Variants in MYRIP observed in about 807,000 individuals in gnomAD.
MYRIP encodes rab effector MyRIP.
MYRIP carries 49 observed loss-of-function variants against 98.0 expected under a neutral mutation model. The ratio of observed to expected loss-of-function variants is 0.50; its 90% CI spans 0.40 to 0.63. MYRIP has a LOEUF of 0.63. Among genes scored for constraint, MYRIP ranks in the 30% least tolerant of loss-of-function variants. The probability of loss-of-function intolerance (pLI) is 0.00; values close to 1 mark genes in which losing one functional copy is unlikely to be tolerated. For missense variants in MYRIP, 1,004 were observed against 1,058.2 expected, an observed-to-expected ratio of 0.95 and a Z score of 0.71; for synonymous variants, 404 against 409.5, an observed-to-expected ratio of 0.99 and a Z score of 0.16.
intron 3 of MYRIP, among the ~76,000 whole-genome samples, chr3:40,045,614 A>G (rs1458334111): frequency 2.6e-5 from 4 of 152,234 alleles, no homozygotes; most frequent in Non-Finnish European, 5.9e-5. Flanking sequence ...TGACTTGAAT[A>G]TTGTGGCACT....
At chr3:40,057,137 C>T (rs540562692) in intron 3 of MYRIP, among the ~76,000 whole-genome samples, 6 of 152,238 alleles carry the variant, frequency 3.9e-5, no homozygotes, top group African/African-American at 7.2e-5. Flanking sequence ...CCACCTTCCA[C>T]ACCTTCTCTT....
intron 2 of MYRIP, among the ~76,000 whole-genome samples, chr3:39,972,985 G>A (rs1009627364): frequency 1.3e-5 from 2 of 151,892 alleles, no homozygotes; most frequent in Non-Finnish European, 2.9e-5. Context: ...AGACTAATTT[G>A]CTAAATAAAT....
At chr3:39,895,067 T>A (rs1427120408) in intron 1 of MYRIP, among the ~76,000 whole-genome samples, 1 of 152,240 alleles carries the variant, frequency 6.6e-6, no homozygotes, top group Admixed American at 6.5e-5. Flanking sequence ...TTGCTTTTTC[T>A]CTTTAACTTT....
chr3:40,182,383 T>C lies in MYRIP; in HGVS notation c.1027+10T>C, dbSNP rs199628150. 6.2e-7 allele frequency: 1 copy of C among 1,610,170 alleles called. No individual in the cohort carries two copies. The highest frequency in any genetic ancestry group is 2.2e-5 in the East Asian group (1 of 44,668). ...AGGCTGGATGAAACAAGTAACTGTT[T>C]TAAGCAGTATCTAGTTGGTCTGTGG... On this transcript the variant is annotated intron_variant, in intron 9 of 16. Coordinates refer to ENST00000302541, the MANE Select transcript of MYRIP (RefSeq NM_015460.4).
intron 10 of MYRIP, among the ~76,000 whole-genome samples, chr3:40,195,858 A>G (rs1166649691): frequency 6.6e-6 from 1 of 152,048 alleles, no homozygotes; most frequent in African/African-American, 2.4e-5. Context: ...AAAGTTTGGG[A>G]GAATTCACCT....
chr3:40,074,269 T>C (rs1311127598), intron 3 of MYRIP, among the ~76,000 whole-genome samples: 1 of 151,996 alleles, frequency 6.6e-6, no homozygotes, highest in African/African-American at 2.4e-5. Context: ...AGAGACAGGG[T>C]TTCACCGTGT....
At chr3:40,129,272 CA>C (rs1225353584) in intron 3 of MYRIP, among the ~76,000 whole-genome samples, 2 of 150,818 alleles carry the variant, frequency 1.3e-5, no homozygotes, top group Non-Finnish European at 3.0e-5. Context: ...CCCCCGTCTC[CA>C]CTAAAAATAC....
intron 2 of MYRIP, among the ~76,000 whole-genome samples, chr3:39,953,087 T>C (rs1429409437): frequency 1.3e-5 from 2 of 152,154 alleles, no homozygotes; most frequent in Non-Finnish European, 2.9e-5. Flanking sequence ...CATGAGGTTT[T>C]ACTGTTCTCT....
intron 3 of MYRIP, among the ~76,000 whole-genome samples, chr3:40,137,465 A>C (rs1024860088): frequency 6.6e-6 from 1 of 152,204 alleles, no homozygotes; most frequent in Non-Finnish European, 1.5e-5. Flanking sequence ...ACAAGGAGGA[A>C]CTGGTACCAT....
chr3:39,895,041 G>A (rs72868162), intron 1 of MYRIP, among the ~76,000 whole-genome samples: 2,697 of 152,094 alleles, frequency 0.018, 80 homozygotes, highest in African/African-American at 0.061. Context: ...AAACTGTGTT[G>A]GACATAGATG....
At chr3:39,953,814 C>T (rs1945088009) in intron 2 of MYRIP, among the ~76,000 whole-genome samples, 1 of 152,176 alleles carries the variant, frequency 6.6e-6, no homozygotes, top group Admixed American at 6.5e-5. Flanking sequence ...AATCAGGACA[C>T]TCCCGCCCTA....
chr3:39,954,391 A>G (rs1487419752), intron 2 of MYRIP, among the ~76,000 whole-genome samples: 2 of 152,118 alleles, frequency 1.3e-5, no homozygotes, highest in Non-Finnish European at 2.9e-5. Context: ...CTGGGGTGAT[A>G]CCCAGGCAAA....
At chr3:39,878,290 G>C (rs944451118) in intron 1 of MYRIP, among the ~76,000 whole-genome samples, 1 of 152,208 alleles carries the variant, frequency 6.6e-6, no homozygotes, top group African/African-American at 2.4e-5. Flanking sequence ...CTGACCCTTT[G>C]TGCTTCCCGA....
At chr3:40,166,733 A>C in intron 5 of MYRIP, 113 bp from the exon 6 acceptor site, 1 of 711,586 alleles carries the variant, frequency 1.4e-6, no homozygotes, top group East Asian at 2.6e-5. Flanking sequence ...TGCCATGGTA[A>C]ACAGCTTAGA....
chr3:39,998,707 C>G (rs953223796), intron 2 of MYRIP, among the ~76,000 whole-genome samples: 3 of 152,142 alleles, frequency 2.0e-5, no homozygotes, highest in African/African-American at 4.8e-5. Context: ...CAAAAAAGAG[C>G]CCGCATTGCC....
intron 3 of MYRIP, among the ~76,000 whole-genome samples, chr3:40,128,546 G>A (rs751054501): frequency 6.6e-5 from 10 of 152,150 alleles, no homozygotes; most frequent in Non-Finnish European, 1.2e-4. Flanking sequence ...CATGTGTTCC[G>A]TGGGACAGGC....
chr3:40,026,561 T>C (rs1161237701), intron 2 of MYRIP, among the ~76,000 whole-genome samples: 2 of 152,142 alleles, frequency 1.3e-5, no homozygotes, highest in Non-Finnish European at 2.9e-5. Flanking sequence ...ATTAGAGAAG[T>C]GATAAATGTC....
At chr3:39,905,301 TG>T (rs1943852224) in intron 2 of MYRIP, among the ~76,000 whole-genome samples, 1 of 152,260 alleles carries the variant, frequency 6.6e-6, no homozygotes, top group Non-Finnish European at 1.5e-5. Context: ...CCTCCTGGCA[TG>T]ACCTTCATAA....
intron 1 of MYRIP, among the ~76,000 whole-genome samples, chr3:39,868,358 C>T (rs1304195575): frequency 6.6e-6 from 1 of 152,056 alleles, no homozygotes; most frequent in Non-Finnish European, 1.5e-5. Flanking sequence ...ATTGTGAGGC[C>T]ATCCTCAGAG....
Sources: gnomAD v4.1 joint callset for allele counts (sites outside exome capture counted in the v4.1 genomes callset) on GRCh38, gnomAD v4.1.1 for gene constraint, MANE v1.5 for transcripts, NCBI Gene and HGNC (gene_info 2026-07-23, HGNC 2026-07-21) for gene names.